Variants in SLC9A4 observed in about 807,000 individuals in gnomAD.
SLC9A4 encodes sodium/hydrogen exchanger 4.
A neutral mutation model predicts 67.4 loss-of-function variants in SLC9A4; 63 were observed. The ratio of observed to expected loss-of-function variants is 0.93; its 90% CI spans 0.76 to 1.15. The LOEUF (loss-of-function observed/expected upper bound fraction) is 1.15. Among genes scored for constraint, SLC9A4 ranks in the 50% most tolerant of loss-of-function variants. The pLI, the probability that SLC9A4 is intolerant of heterozygous loss-of-function variation, is 0.00. For synonymous variants in SLC9A4, 393 were observed against 367.2 expected (o/e 1.07, Z -0.80); for missense variants, 1,089 against 987.7 (o/e 1.10, Z -1.38).
chr2:102,526,627 C>T (rs1197481992), intron 11 of SLC9A4, among the ~76,000 whole-genome samples: 1 of 152,062 alleles, frequency 6.6e-6, no homozygotes, highest in Non-Finnish European at 1.5e-5. Flanking sequence ...ACATGCCATA[C>T]ACAAAGAGGA....
At chr2:102,487,178 G>GGTGTGTGT (rs55756786) in intron 2 of SLC9A4, among the ~76,000 whole-genome samples, 14,324 of 149,062 alleles carry the variant, frequency 0.096, 737 homozygotes, top group Middle Eastern at 0.16. Flanking sequence ...GCTCACAGCT[G>GGTGTGTGT]GTGTGTGTGT....
chr2:102,500,340 A>T (rs1272065724), intron 2 of SLC9A4, among the ~76,000 whole-genome samples: 1 of 152,208 alleles, frequency 6.6e-6, no homozygotes, highest in Non-Finnish European at 1.5e-5. Flanking sequence ...CACTGCCGAC[A>T]TCTCGAGTCC....
At chr2:102,474,070 T>C (rs1457583025) in intron 1 of SLC9A4, 55 bp downstream of exon 1, 4 of 1,573,254 alleles carry the variant, frequency 2.5e-6, no homozygotes, top group Non-Finnish European at 3.5e-6. Context: ...AGATAGTGAA[T>C]GTGAAAATGC....
chr2:102,528,967 A>G (rs1005043), intron 11 of SLC9A4, among the ~76,000 whole-genome samples: 97,600 of 152,096 alleles, frequency 0.64, 31,472 homozygotes, highest in Middle Eastern at 0.72. Flanking sequence ...GGTTCCCTCC[A>G]TATGCAATTG....
rs185396284 is a variant in SLC9A4, at chr2:102,517,559, T to C, written c.1722-2300T>C. On this transcript the variant is annotated intron_variant, in intron 8 of 11. Coordinates refer to ENST00000295269, the MANE Select transcript of SLC9A4 (RefSeq NM_001011552.4). ...GATAGGACTGTAGGGTAACTATAGT[T>C]AACACTAATTGTACATTTCAAAATA... Among the ~76,000 whole-genome samples the C allele has an allele frequency of 1.7e-4, 26 of 152,314 alleles. No individual in the cohort carries two copies. In the East Asian group the frequency reaches 4.8e-3, roughly 28 times the overall value.
chr2:102,531,507 G>A (rs986645844), intron 11 of SLC9A4, among the ~76,000 whole-genome samples: 1 of 152,134 alleles, frequency 6.6e-6, no homozygotes, highest in Non-Finnish European at 1.5e-5. Context: ...ACAGCAAGGA[G>A]ACCTGATGGT....
chr2:102,533,109 T>A lies in SLC9A4; in HGVS notation c.*421T>A, dbSNP rs752631675. The stretch of plus-strand genomic sequence containing the variant: ...AAGTCACCTGACTCAGCCCCTTGTG[T>A]TTACAGACAAGGACATGTAGTCCAA... On this transcript the variant is annotated 3_prime_UTR_variant, in exon 12 of 12. Coordinates refer to ENST00000295269, the MANE Select transcript of SLC9A4 (RefSeq NM_001011552.4). The A allele has an allele frequency of 6.2e-6, 1 of 162,360 alleles. No individual in the cohort carries two copies. The highest frequency in any genetic ancestry group is 1.4e-5 in the Non-Finnish European group (1 of 73,248). The allele number at this position is 162,360 out of a possible 1,614,324, so 10.1% of individuals were successfully genotyped here. A position where few individuals can be genotyped will look rare whatever the true frequency, so the allele number is the denominator to read the frequency against.
intron 2 of SLC9A4, among the ~76,000 whole-genome samples, chr2:102,491,317 C>CTTTTTTTTTTTTTTTTTTTTT (rs61708027): frequency 2.2e-5 from 1 of 45,740 alleles, no homozygotes; most frequent in Non-Finnish European, 4.1e-5. Flanking sequence ...TGTACTAATG[C>CTTTTTTTTTTTTTTTTTTTTT]TTTTTTTTTT....
chr2:102,497,875 T>C (rs6543154), intron 2 of SLC9A4, among the ~76,000 whole-genome samples: 117,911 of 152,224 alleles, frequency 0.77, 46,885 homozygotes, highest in African/African-American at 0.93. Flanking sequence ...TGACTCTTCA[T>C]CTCTGCTGAG....
chr2:102,503,419 C>T (rs376481912), intron 2 of SLC9A4, 29 bp from the exon 3 acceptor site: 95 of 1,530,010 alleles, frequency 6.2e-5, no homozygotes, highest in Non-Finnish European at 8.3e-5. Flanking sequence ...ATTCATAATT[C>T]ATATTTGTTT....
chr2:102,525,270 A>G (rs1306448017), intron 10 of SLC9A4, 115 bp downstream of exon 10: 4 of 1,481,208 alleles, frequency 2.7e-6, no homozygotes, highest in Admixed American at 2.0e-5. Flanking sequence ...AAACAAACAA[A>G]ACCCCACCTT....
At chr2:102,514,321 C>T (rs1325591767) in intron 8 of SLC9A4, 70 bp downstream of exon 8, 3 of 1,083,228 alleles carry the variant, frequency 2.8e-6, no homozygotes, top group African/African-American at 1.6e-5. Context: ...CTCATTGCCT[C>T]ATTTAAAGGT....
At chr2:102,500,572 C>T (rs1684909630) in intron 2 of SLC9A4, among the ~76,000 whole-genome samples, 1 of 152,166 alleles carries the variant, frequency 6.6e-6, no homozygotes, top group Non-Finnish European at 1.5e-5. Context: ...GTCAATGAAA[C>T]TTCCTAGATG....
intron 7 of SLC9A4, 63 bp downstream of exon 7, chr2:102,512,336 T>TA (rs1685181984): frequency 6.4e-7 from 1 of 1,564,590 alleles, no homozygotes; most frequent in Non-Finnish European, 8.8e-7. Context: ...AAGCTGGGCA[T>TA]AAAATCAGAG....
intron 9 of SLC9A4, among the ~76,000 whole-genome samples, chr2:102,521,157 G>T (rs967082065): frequency 1.3e-5 from 2 of 152,154 alleles, no homozygotes; most frequent in Non-Finnish European, 2.9e-5. Flanking sequence ...TAGGGTACCT[G>T]GTACTCAGCC....
intron 2 of SLC9A4, among the ~76,000 whole-genome samples, chr2:102,502,949 T>C (rs1392469545): frequency 6.6e-6 from 1 of 152,228 alleles, no homozygotes; most frequent in East Asian, 1.9e-4. Context: ...TCAGAGCCTG[T>C]GGCTCAGGCA....
At chr2:102,511,584 A>G (rs1385483093) in intron 6 of SLC9A4, among the ~76,000 whole-genome samples, 1 of 152,056 alleles carries the variant, frequency 6.6e-6, no homozygotes, top group Non-Finnish European at 1.5e-5. Flanking sequence ...CTAATTTCAT[A>G]ATTATTTTGA....
intron 2 of SLC9A4, among the ~76,000 whole-genome samples, chr2:102,492,680 G>T (rs1684728972): frequency 6.6e-6 from 1 of 152,144 alleles, no homozygotes; most frequent in Non-Finnish European, 1.5e-5. Flanking sequence ...TGCTGTGAAG[G>T]TCTCTGATAT....
At position 102,478,833 on chromosome 2, in the gene SLC9A4, C is replaced by T. The variant is rs1466818341; in HGVS notation, c.257-6C>T. On this transcript the variant is annotated splice_region_variant and splice_polypyrimidine_tract_variant and intron_variant, in intron 1 of 11. Transcript: ENST00000295269. ...AAGCACCTAACTGCTCTTCGCTGTT[C>T]TGCAGGCTTCCACCTCTACCACAGG... 3 of 1,612,618 alleles carry T rather than the reference C, an allele frequency of 1.9e-6. No homozygotes were observed. Among genetic ancestry groups the T allele is most frequent in the Admixed American group, 1.7e-5 (1 of 59,956 alleles).
Sources: gnomAD v4.1 joint callset for allele counts (sites outside exome capture counted in the v4.1 genomes callset) on GRCh38, gnomAD v4.1.1 for gene constraint, MANE v1.5 for transcripts, NCBI Gene and HGNC (gene_info 2026-07-23, HGNC 2026-07-21) for gene names.